The following FRS2 variants were observed in gnomAD, a reference collection of about 807,000 sequenced individuals.
The protein encoded by FRS2 is fibroblast growth factor receptor substrate 2, also known as FGFR signalling adaptor.
FRS2 carries 8 observed loss-of-function variants against 43.9 expected under a neutral mutation model. The observed-to-expected ratio is 0.18, with a 90% CI of 0.11 to 0.33. The LOEUF (loss-of-function observed/expected upper bound fraction) is 0.33, where lower values mean the gene tolerates loss of function less well. Ranked by LOEUF, FRS2 falls within the 10% of genes least tolerant of loss-of-function variation. The pLI, the probability that FRS2 is intolerant of heterozygous loss-of-function variation, is 1.00. For synonymous variants in FRS2, 219 were observed against 220.3 expected (o/e 0.99, Z 0.05); for missense variants, 534 against 627.6 (o/e 0.85, Z 1.59).
At position 69,562,908 on chromosome 12, in the gene FRS2, T is replaced by C. The variant is rs143941963; in HGVS notation, c.-27+634T>C. Among the ~76,000 whole-genome samples the C allele has an allele frequency of 6.7e-3, 1,021 of 152,144 alleles. 20 individuals are homozygous for C. Among genetic ancestry groups the C allele is most frequent in the Middle Eastern group, 0.058 (17 of 294 alleles). On this transcript the variant is annotated intron_variant, in intron 4 of 8. Transcript: ENST00000549921. ...CTCACTGTGTTGCCCAGGCTGGTCTTGAACTCCTGGGCTTAATTAAGCAGT... is the reference window on the plus strand; with the variant it reads ...CTCACTGTGTTGCCCAGGCTGGTCTCGAACTCCTGGGCTTAATTAAGCAGT...
At chr12:69,571,236 G>T (rs779574030) in intron 6 of FRS2, 40 bp from the exon 7 acceptor site, 2 of 1,404,504 alleles carry the variant, frequency 1.4e-6, no homozygotes, top group Non-Finnish European at 2.0e-6. Flanking sequence ...TTTTTTTAAA[G>T]GTATGTTAAC....
At chr12:69,562,355 A>T (rs1335245788) in intron 4 of FRS2, 81 bp downstream of exon 4, 1 of 395,394 alleles carries the variant, frequency 2.5e-6, no homozygotes, top group Non-Finnish European at 4.5e-6. Flanking sequence ...AATACAGATG[A>T]AGTCCTGTTA....
At chr12:69,540,802 T>C (rs1877833550) in intron 3 of FRS2, among the ~76,000 whole-genome samples, 2 of 152,146 alleles carry the variant, frequency 1.3e-5, no homozygotes, top group South Asian at 4.1e-4. Flanking sequence ...ACATCAACAG[T>C]GATAAGTCAT....
intron 3 of FRS2, among the ~76,000 whole-genome samples, chr12:69,556,012 G>A (rs1034213637): frequency 3.5e-5 from 5 of 141,538 alleles, no homozygotes; most frequent in African/African-American, 1.1e-4. Flanking sequence ...GTGTGGCGGG[G>A]GGGGGGGCGG....
chr12:69,518,646 C>T (rs373438499), intron 1 of FRS2, among the ~76,000 whole-genome samples: 24 of 150,324 alleles, frequency 1.6e-4, no homozygotes, highest in African/African-American at 5.4e-4. Context: ...ACCAGGAAGT[C>T]GAGGCTGCAG....
intron 3 of FRS2, among the ~76,000 whole-genome samples, chr12:69,554,552 A>C (rs1879178123): frequency 6.6e-6 from 1 of 152,228 alleles, no homozygotes; most frequent in African/African-American, 2.4e-5. Flanking sequence ...CCTAATGTTA[A>C]CATCTTACAT....
rs1241191707 is a variant in FRS2 at position 69,571,380 on chromosome 12, A to G, written c.358A>G (p.Arg120Gly). The G allele has an allele frequency of 1.9e-6, 3 of 1,612,914 alleles. No individual in the cohort carries two copies. The Admixed American group carries it at 5.0e-5, about 27-fold the overall frequency. ...INVVEEPVVE[R>G]NNHQTELEVP... is the part of the protein sequence containing the mutation. The stretch of plus-strand genomic sequence containing the variant: ...TGTGGTGGAAGAGCCAGTTGTAGAA[A>G]GAAATAATCATCAGACAGAATTGGA... The change falls in exon 7 of 9, where the codon AGA (arginine) becomes GGA (glycine). Residue 120 changes from arginine to glycine, a missense_variant. This residue lies in a region of FRS2 where 446 missense variants were observed against 494.2 expected (regional missense o/e 0.90). Transcript: ENST00000549921.
chr12:69,514,536 A>G (rs978194685), intron 1 of FRS2, among the ~76,000 whole-genome samples: 3 of 152,208 alleles, frequency 2.0e-5, no homozygotes, highest in Admixed American at 6.5e-5. Flanking sequence ...TTCTGCAATT[A>G]TAAGACGGGA....
At chr12:69,493,088 T>C (rs954164696) in intron 1 of FRS2, among the ~76,000 whole-genome samples, 4 of 152,224 alleles carry the variant, frequency 2.6e-5, no homozygotes, top group Non-Finnish European at 5.9e-5. Flanking sequence ...GAAAGAGATC[T>C]TAAAACTCCG....
At chr12:69,559,690 T>C (rs1222971959) in intron 3 of FRS2, among the ~76,000 whole-genome samples, 1 of 152,064 alleles carries the variant, frequency 6.6e-6, no homozygotes, top group Non-Finnish European at 1.5e-5. Flanking sequence ...TTCTTAACTC[T>C]TCTTTTTCAG....
intron 3 of FRS2, among the ~76,000 whole-genome samples, chr12:69,534,668 T>C (rs1300809985): frequency 1.3e-5 from 2 of 152,182 alleles, no homozygotes; most frequent in Non-Finnish European, 2.9e-5. Flanking sequence ...TGATTATGCA[T>C]CATTCCTCCT....
At chr12:69,552,074 G>T (rs1878923390) in intron 3 of FRS2, among the ~76,000 whole-genome samples, 1 of 151,948 alleles carries the variant, frequency 6.6e-6, no homozygotes, top group Non-Finnish European at 1.5e-5. Flanking sequence ...AGGAGGCCAA[G>T]GCGGGCAGAT....
chr12:69,494,760 TG>T (rs1872733821), intron 1 of FRS2, among the ~76,000 whole-genome samples: 1 of 152,084 alleles, frequency 6.6e-6, no homozygotes, highest in Admixed American at 6.5e-5. Flanking sequence ...TATAGCCTGT[TG>T]CTTCTAGATT....
chr12:69,482,119 G>C (rs2120755624), intron 1 of FRS2, among the ~76,000 whole-genome samples: 1 of 151,878 alleles, frequency 6.6e-6, no homozygotes, highest in East Asian at 1.9e-4. Context: ...TAATTGTTGA[G>C]AGTTTAAGGC....
At chr12:69,569,328 A>G (rs1880557204) in intron 5 of FRS2, among the ~76,000 whole-genome samples, 1 of 152,046 alleles carries the variant, frequency 6.6e-6, no homozygotes, top group Non-Finnish European at 1.5e-5. Context: ...TTCTGGTAAT[A>G]CTGTTTTTAA....
intron 3 of FRS2, among the ~76,000 whole-genome samples, chr12:69,549,649 G>A (rs958525142): frequency 1.8e-4 from 28 of 152,160 alleles, no homozygotes; most frequent in Admixed American, 7.2e-4. Flanking sequence ...CTGTGGTTTG[G>A]TCTGTCTCCT....
chr12:69,527,340 A>ATTT (rs1876349377), intron 1 of FRS2, among the ~76,000 whole-genome samples: 1 of 41,402 alleles, frequency 2.4e-5, no homozygotes, highest in African/African-American at 1.4e-4. Context: ...TTTTTTTTTA[A>ATTT]TGATTTTTTT....
intron 3 of FRS2, among the ~76,000 whole-genome samples, chr12:69,560,105 G>A (rs528170154): frequency 1.3e-5 from 2 of 152,216 alleles, no homozygotes; most frequent in Admixed American, 6.5e-5. Context: ...GAATAATTTA[G>A]GACAGCTTTA....
At chr12:69,506,812 C>T (rs1319622975) in intron 1 of FRS2, among the ~76,000 whole-genome samples, 2 of 152,120 alleles carry the variant, frequency 1.3e-5, no homozygotes, top group Non-Finnish European at 2.9e-5. Context: ...ACTTAATCCC[C>T]AATGTGGCAA....
Sources: gnomAD v4.1 joint callset for allele counts (sites outside exome capture counted in the v4.1 genomes callset) on GRCh38, gnomAD v4.1.1 for gene constraint, gnomAD v4.1.1 regional missense constraint, MANE v1.5 for transcripts, NCBI Gene and HGNC (gene_info 2026-07-23, HGNC 2026-07-21) for gene names.